The following DLEU7 variants were observed in gnomAD, a reference collection of about 807,000 sequenced individuals.
The protein encoded by DLEU7 is deleted in lymphocytic leukemia 7, also known as leukemia-associated protein 7.
A neutral mutation model predicts 16.0 loss-of-function variants in DLEU7; 17 were observed. The observed-to-expected ratio is 1.06, with a 90% confidence interval of 0.73 to 1.59. The LOEUF (loss-of-function observed/expected upper bound fraction) is 1.59. DLEU7 is among the 40% of genes most tolerant of loss of function. DLEU7 has a pLI of 0.00. For missense variants in DLEU7, 308 were observed against 314.9 expected (o/e 0.98, Z 0.17); for synonymous variants, 113 against 139.8 (o/e 0.81, Z 1.35).
chr13:50,784,563 A>G (rs1329459833), intron 1 of DLEU7, among the ~76,000 whole-genome samples: 1 of 152,204 alleles, frequency 6.6e-6, no homozygotes, highest in African/African-American at 2.4e-5. Flanking sequence ...AGCATGTCAC[A>G]CTCAGGAGAA....
At chr13:50,762,722 C>T (rs1331720788) in intron 1 of DLEU7, among the ~76,000 whole-genome samples, 1 of 151,522 alleles carries the variant, frequency 6.6e-6, no homozygotes, top group Non-Finnish European at 1.5e-5. Flanking sequence ...CCCAGGCCAC[C>T]CCACAAAACA....
At chr13:50,724,327 A>G (rs149754629) in intron 1 of DLEU7, among the ~76,000 whole-genome samples, 124 of 152,258 alleles carry the variant, frequency 8.1e-4, no homozygotes, top group African/African-American at 2.7e-3. Flanking sequence ...ATATTATAAA[A>G]TTACTTTTTT....
chr13:50,758,622 A>C (rs1874833892), intron 1 of DLEU7, among the ~76,000 whole-genome samples: 2 of 152,154 alleles, frequency 1.3e-5, no homozygotes, highest in Non-Finnish European at 2.9e-5. Context: ...CTCTAAGCCC[A>C]CTTACCTGCT....
chr13:50,815,590 G>A (rs188315702), intron 1 of DLEU7, among the ~76,000 whole-genome samples: 5 of 152,244 alleles, frequency 3.3e-5, no homozygotes, highest in Admixed American at 1.3e-4. Flanking sequence ...TATTCTGCAA[G>A]CAGACTAGAG....
chr13:50,738,757 A>G (rs141134371), intron 1 of DLEU7, among the ~76,000 whole-genome samples: 96 of 152,260 alleles, frequency 6.3e-4, no homozygotes, highest in African/African-American at 2.2e-3. Flanking sequence ...ATTTTCAAAT[A>G]ACATGCTGGA....
chr13:50,812,556 T>C (rs1468041175), intron 1 of DLEU7, among the ~76,000 whole-genome samples: 1 of 152,122 alleles, frequency 6.6e-6, no homozygotes, highest in African/African-American at 2.4e-5. Context: ...AAAGCAGTTA[T>C]AAAGGTCCTG....
intron 1 of DLEU7, among the ~76,000 whole-genome samples, chr13:50,796,939 A>C (rs1476116015): frequency 1.3e-5 from 2 of 152,088 alleles, no homozygotes; most frequent in Non-Finnish European, 2.9e-5. Context: ...AGCCACTACA[A>C]ATGTGGGGTT....
intron 1 of DLEU7, among the ~76,000 whole-genome samples, chr13:50,764,897 G>T (rs1222687819): frequency 2.6e-5 from 4 of 151,810 alleles, no homozygotes; most frequent in African/African-American, 4.8e-5. Context: ...GTTTTGTTTT[G>T]TTTGAGACAG....
At chr13:50,837,496 G>A (rs1012876705) in intron 1 of DLEU7, among the ~76,000 whole-genome samples, 12 of 152,138 alleles carry the variant, frequency 7.9e-5, no homozygotes, top group African/African-American at 2.4e-4. Flanking sequence ...CACCGTATCC[G>A]TGGCTTACGG....
intron 1 of DLEU7, among the ~76,000 whole-genome samples, chr13:50,787,190 C>G (rs1453993046): frequency 6.6e-6 from 1 of 152,156 alleles, no homozygotes; most frequent in African/African-American, 2.4e-5. Context: ...CTGGCGTTTA[C>G]TTAGTAAATG....
chr13:50,721,683 G>C (rs747239524), intron 1 of DLEU7, among the ~76,000 whole-genome samples: 17 of 152,098 alleles, frequency 1.1e-4, no homozygotes, highest in Non-Finnish European at 2.4e-4. Context: ...AAGATCAACA[G>C]AACTGAAAAC....
intron 1 of DLEU7, among the ~76,000 whole-genome samples, chr13:50,746,120 TC>T (rs1383310317): frequency 2.6e-5 from 4 of 152,152 alleles, no homozygotes; most frequent in African/African-American, 9.7e-5. Flanking sequence ...AATCAATACT[TC>T]CTAAGGTCTT....
intron 1 of DLEU7, among the ~76,000 whole-genome samples, chr13:50,763,208 C>T (rs1304749172): frequency 2.0e-5 from 3 of 152,036 alleles, no homozygotes; most frequent in Non-Finnish European, 4.4e-5. Context: ...GGGGAGGGCT[C>T]GAGTTATGAA....
intron 1 of DLEU7, among the ~76,000 whole-genome samples, chr13:50,781,650 G>A (rs1279221599): frequency 2.6e-5 from 4 of 152,030 alleles, no homozygotes; most frequent in Non-Finnish European, 5.9e-5. Flanking sequence ...TATCATCTGT[G>A]GCATAAATTA....
downstream of DLEU7, among the ~76,000 whole-genome samples, chr13:50,821,738 AAAAC>A (rs1315198164): frequency 2.6e-4 from 39 of 152,062 alleles, no homozygotes; most frequent in African/African-American, 8.4e-4. Context: ...AAGGTAAAAA[AAAAC>A]AAAAAACCTT....
intron 1 of DLEU7, among the ~76,000 whole-genome samples, chr13:50,720,492 A>G (rs376674706): frequency 6.6e-6 from 1 of 152,196 alleles, no homozygotes; most frequent in Admixed American, 6.5e-5. Context: ...AAACTGCAAC[A>G]TGCAACCTGT....
intron 1 of DLEU7, among the ~76,000 whole-genome samples, chr13:50,720,093 T>C (rs1220085391): frequency 1.3e-5 from 2 of 152,306 alleles, no homozygotes; most frequent in African/African-American, 2.4e-5. Context: ...AGTGGTTTCA[T>C]TGGTTCCTCC....
intron 1 of DLEU7, among the ~76,000 whole-genome samples, chr13:50,735,583 G>GA (rs1451448570): frequency 6.6e-6 from 1 of 151,546 alleles, no homozygotes; most frequent in Non-Finnish European, 1.5e-5. Flanking sequence ...GAAAATATAT[G>GA]AAAAAATGAA....
At position 50,843,453 on chromosome 13, in the gene DLEU7, C is replaced by T. The variant is rs1353221011; in HGVS notation, c.194G>A (p.Arg65His). Residue 65 changes from arginine to histidine, a missense_variant, in exon 1 of 2, where the codon CGC becomes CAC. Arg to His is a conservative substitution (Grantham distance 29). Coordinates refer to ENST00000504404, the MANE Select transcript of DLEU7 (RefSeq NM_001306135.2). This position sits in a 1 kb window ranked among gnomAD's most constrained non-coding sequence, Gnocchi z 5.7. The part of the protein sequence containing the change: ...GPPRARPGPG[R>H]EERGGGVGTR... The stretch of plus-strand genomic sequence containing the variant: ...CCCCACGCCCCCGCCCCGCTCCTCG[C>T]GCCCGGGCCCCGGCCGGGCCCGCGG... 6.1e-6 allele frequency: 8 copies of T among 1,321,090 alleles called. No homozygotes were observed. The East Asian group carries it at 1.9e-4, about 31-fold the overall frequency. The allele number at this position is 1,321,090 out of a possible 1,614,324, so 81.8% of individuals were successfully genotyped here. A position where few individuals can be genotyped will look rare whatever the true frequency, so the allele number is the denominator to read the frequency against.
Sources: allele counts gnomAD v4.1 joint callset (sites outside exome capture counted in the v4.1 genomes callset), GRCh38; gene constraint gnomAD v4.1.1; non-coding constraint Gnocchi (gnomAD v3.1); transcripts MANE v1.5; gene names NCBI Gene and HGNC (gene_info 2026-07-23, HGNC 2026-07-21).